The following GARRE1 variants were observed in gnomAD, a reference collection of about 807,000 sequenced individuals.
GARRE1 encodes the protein granule associated Rac and RHOG effector 1, also known as granule associated Rac and RHOG effector protein 1.
Under a neutral mutation model 103.2 loss-of-function variants are expected in GARRE1, and 49 were observed. That is an observed-to-expected ratio of 0.47 (90% confidence interval 0.38 to 0.60). The LOEUF is 0.60. Among genes scored for constraint, GARRE1 ranks in the 20% least tolerant of loss-of-function variants. The pLI is 0.00. For missense variants in GARRE1, 1,199 were observed against 1,370.5 expected (o/e 0.87, Z 1.98); for synonymous variants, 505 against 532.8 (o/e 0.95, Z 0.72).
At chr19:34,299,504 T>C (rs2073965443) in intron 1 of GARRE1, among the ~76,000 whole-genome samples, 175 bp from the exon 2 acceptor site, 1 of 152,174 alleles carries the variant, frequency 6.6e-6, no homozygotes, top group African/African-American at 2.4e-5. Flanking sequence ...CTTGAGGAAT[T>C]TTCTAACAGT....
chr19:34,315,089 T>A (rs1185802994), intron 2 of GARRE1, among the ~76,000 whole-genome samples: 1 of 152,240 alleles, frequency 6.6e-6, no homozygotes, highest in Non-Finnish European at 1.5e-5. Context: ...CTACTTACAC[T>A]GGACTTTTAA....
chr19:34,262,287 C>CTTTTTTTTGTTTTT (rs2073723178), intron 1 of GARRE1, among the ~76,000 whole-genome samples: 1 of 35,750 alleles, frequency 2.8e-5, no homozygotes, highest in Admixed American at 4.7e-4. Flanking sequence ...CCAGCTGCTG[C>CTTTTTTTTGTTTTT]TTTTTTTTTT....
At chr19:34,307,524 T>A (rs1599766057) in intron 2 of GARRE1, among the ~76,000 whole-genome samples, 1 of 149,918 alleles carries the variant, frequency 6.7e-6, no homozygotes, top group Non-Finnish European at 1.5e-5. Context: ...TATATATACG[T>A]ATTATATATA....
intron 1 of GARRE1, among the ~76,000 whole-genome samples, chr19:34,255,912 AT>A (rs1379866058): frequency 6.6e-6 from 1 of 151,750 alleles, no homozygotes; most frequent in African/African-American, 2.4e-5. Context: ...CGGGATCTAG[AT>A]TAACTGCAAC....
In GARRE1 at chr19:34,352,712, G is replaced by A. The variant is rs200030372; in HGVS notation, c.2970G>A (p.Thr990=). 61 of 1,613,946 alleles carry A rather than the reference G, an allele frequency of 3.8e-5. No individual in the cohort carries two copies. The highest frequency in any genetic ancestry group is 3.2e-4 in the Admixed American group (19 of 59,998). The change falls in exon 14 of 14, where the codon ACG becomes ACA. Residue 990 remains threonine (T), a synonymous_variant. Coordinates refer to ENST00000299505, the MANE Select transcript of GARRE1 (RefSeq NM_014686.5). ...PWQHPSPLPS[T]LPSPSAPLYA... is the part of the protein sequence containing the mutation. Reference sequence around the variant, plus strand: ...AGCACCCTTCCCCGCTTCCCAGCACGCTGCCCAGCCCCAGCGCACCACTCT... The same window carrying A: ...AGCACCCTTCCCCGCTTCCCAGCACACTGCCCAGCCCCAGCGCACCACTCT...
rs1364649631 is a variant in GARRE1, at chr19:34,353,471, A to G, written c.*516A>G. 6.4e-6 allele frequency: 1 copy of G among 156,002 alleles called. No homozygotes were observed. The highest frequency in any genetic ancestry group is 1.4e-5 in the Non-Finnish European group (1 of 70,586). 9.7% of individuals were successfully genotyped at this position (156,002 alleles called of 1,614,324 possible). ...TTAAAACATCTCCTGCCTAAAATGC[A>G]TTGAATATTTTAAGATAACAGATAT... On this transcript the variant is annotated 3_prime_UTR_variant, in exon 14 of 14. Coordinates refer to ENST00000299505, the MANE Select transcript of GARRE1 (RefSeq NM_014686.5).
chr19:34,280,687 C>G (rs982085237), intron 1 of GARRE1, among the ~76,000 whole-genome samples: 7 of 152,076 alleles, frequency 4.6e-5, no homozygotes, highest in Non-Finnish European at 1.0e-4. Context: ...CTTTTTGATG[C>G]TTAAGTTGTC....
At chr19:34,351,216 A>T (rs759539224) in intron 12 of GARRE1, among the ~76,000 whole-genome samples, 2,393 of 149,102 alleles carry the variant, frequency 0.016, 25 homozygotes, top group Non-Finnish European at 0.023. Flanking sequence ...AAAAAAAATA[A>T]AATAATAATA....
rs1438223807 is a variant in GARRE1, at chr19:34,320,041, T to C, written c.630T>C (p.Ser210=). 6.2e-6 allele frequency: 10 copies of C among 1,614,208 alleles called. No homozygotes were observed. Among genetic ancestry groups the C allele is most frequent in the Non-Finnish European group, 8.5e-6 (10 of 1,180,044 alleles). The change falls in exon 3 of 14, where the codon AGT becomes AGC. Residue 210 remains serine, a synonymous_variant. Transcript: ENST00000299505. ...VIVPEKKNSG[S]GGGLSGMGHT... ...TGCCAGAAAAAAAGAACAGCGGCAG[T>C]GGCGGCGGCTTATCTGGCATGGGCC...
chr19:34,342,589 T>G, intron 10 of GARRE1, 134 bp downstream of exon 10: 1 of 796,602 alleles, frequency 1.3e-6, no homozygotes, highest in Non-Finnish European at 2.0e-6. Context: ...CCTTTCTCAC[T>G]GTGGAGGCAA....
At chr19:34,327,336 T>G (rs888756712) in intron 3 of GARRE1, 85 bp from the exon 4 acceptor site, 8 of 1,252,146 alleles carry the variant, frequency 6.4e-6, no homozygotes, top group Non-Finnish European at 9.1e-6. Context: ...CTTGAGGGGG[T>G]TTTTCTTGTT....
Position 34,309,277 on chromosome 19 carries a change from G to A in GARRE1, c.495+8309G>A, listed in dbSNP as rs182490635. On this transcript the variant is annotated intron_variant, in intron 2 of 13. Coordinates refer to ENST00000299505, the MANE Select transcript of GARRE1 (RefSeq NM_014686.5). Reference sequence around the variant, plus strand: ...AGCATTAAAAGAAATTACACAGAATGTACTGTTCTAGATTAAAAGAGTTAA... The same window carrying A: ...AGCATTAAAAGAAATTACACAGAATATACTGTTCTAGATTAAAAGAGTTAA... Among the ~76,000 whole-genome samples, 27 of 152,230 alleles carry A rather than the reference G, an allele frequency of 1.8e-4. No individual in the cohort carries two copies. In the East Asian group the frequency reaches 4.8e-3, roughly 27 times the overall value.
intron 1 of GARRE1, among the ~76,000 whole-genome samples, chr19:34,261,616 C>T (rs905820725): frequency 1.3e-5 from 2 of 152,096 alleles, no homozygotes; most frequent in African/African-American, 4.8e-5. Context: ...AAAGTAAGTC[C>T]AGTGCCACAG....
rs118002346 is a variant in GARRE1, at chr19:34,282,855, C to A, written c.-795-16824C>A. Among the ~76,000 whole-genome samples, 34 of 152,316 alleles carry A rather than the reference C, an allele frequency of 2.2e-4. No individual in the cohort carries two copies. The East Asian group carries it at 6.4e-3, about 28-fold the overall frequency. Reference sequence around the variant, plus strand: ...GCTCTGCCTCTCTGTTCTCTTTTGGCCCTGCATGTTGTAAAAAGTGGCCAG... The same window carrying A: ...GCTCTGCCTCTCTGTTCTCTTTTGGACCTGCATGTTGTAAAAAGTGGCCAG... On this transcript the variant is annotated intron_variant, in intron 1 of 13. Transcript: ENST00000299505.
chr19:34,259,489 C>T (rs2073700680), intron 1 of GARRE1, among the ~76,000 whole-genome samples: 2 of 152,182 alleles, frequency 1.3e-5, no homozygotes, highest in African/African-American at 4.8e-5. Flanking sequence ...CAGAGCTGGA[C>T]AGCACATCCT....
chr19:34,312,981 A>C (rs2145253187), intron 2 of GARRE1, among the ~76,000 whole-genome samples: 1 of 152,314 alleles, frequency 6.6e-6, no homozygotes, highest in South Asian at 2.1e-4. Flanking sequence ...ATATTTTAGC[A>C]GTTGTATTTT....
At chr19:34,316,429 C>T (rs538233852) in intron 2 of GARRE1, among the ~76,000 whole-genome samples, 2 of 152,328 alleles carry the variant, frequency 1.3e-5, no homozygotes, top group East Asian at 3.9e-4. Flanking sequence ...TGGGGTCACA[C>T]TCTCCCAAAC....
intron 1 of GARRE1, among the ~76,000 whole-genome samples, chr19:34,264,052 G>A (rs1318693357): frequency 2.0e-5 from 3 of 152,070 alleles, no homozygotes; most frequent in Non-Finnish European, 4.4e-5. Context: ...GTTTGTCGTC[G>A]TCTCTGTTGC....
intron 7 of GARRE1, 52 bp from the exon 8 acceptor site, chr19:34,333,652 T>C (rs1479741883): frequency 9.5e-6 from 10 of 1,056,562 alleles, no homozygotes; most frequent in Non-Finnish European, 1.1e-5. Context: ...TGATTTGTTT[T>C]CTCTCTGAAA....
Sources: gnomAD v4.1 joint callset for allele counts (sites outside exome capture counted in the v4.1 genomes callset) on GRCh38, gnomAD v4.1.1 for gene constraint, MANE v1.5 for transcripts, NCBI Gene and HGNC (gene_info 2026-07-23, HGNC 2026-07-21) for gene names.